Variants in BCL2L11 observed in about 807,000 individuals in gnomAD.
The protein encoded by BCL2L11 is bcl-2-like protein 11.
Under a neutral mutation model 20.6 loss-of-function variants are expected in BCL2L11, and 15 were observed. That is an observed-to-expected ratio of 0.73 (90% CI 0.49 to 1.12). The LOEUF is 1.12. Ranked by LOEUF, BCL2L11 falls within the 50% of genes most tolerant of loss-of-function variation. BCL2L11 has a pLI of 0.00. For missense variants in BCL2L11, 292 were observed against 260.9 expected (o/e 1.12, Z -0.82); for synonymous variants, 108 against 92.8 (o/e 1.16, Z -0.94).
intron 2 of BCL2L11, among the ~76,000 whole-genome samples, chr2:111,134,325 C>T (rs568221520): frequency 2.6e-5 from 4 of 151,934 alleles, no homozygotes; most frequent in African/African-American, 7.2e-5. Context: ...TGCTCTGTAT[C>T]ATTTTCTTAG....
chr2:111,122,086 C>G (rs41309780), intron 1 of BCL2L11, among the ~76,000 whole-genome samples: 5,752 of 152,246 alleles, frequency 0.038, 386 homozygotes, highest in African/African-American at 0.13. Context: ...CGCGGACGTG[C>G]GCGTCCGCGG....
At chr2:111,138,280 A>T (rs919617012) in intron 2 of BCL2L11, among the ~76,000 whole-genome samples, 4 of 152,150 alleles carry the variant, frequency 2.6e-5, no homozygotes, top group Admixed American at 6.5e-5. Context: ...AAGTGCTGAG[A>T]TTACAGGCGT....
intron 2 of BCL2L11, chr2:111,128,789 C>T: frequency 6.5e-7 from 1 of 1,527,048 alleles, no homozygotes; most frequent in Non-Finnish European, 8.8e-7. Context: ...CTCCCTCTTC[C>T]TTGAGCATTT....
intron 2 of BCL2L11, chr2:111,145,830 T>A: frequency 1.4e-5 from 4 of 284,496 alleles, no homozygotes; most frequent in Non-Finnish European, 1.6e-5. Flanking sequence ...AAATGATTTC[T>A]AAGAAGTTTG....
At chr2:111,123,180 G>A in intron 1 of BCL2L11, 3 of 985,464 alleles carry the variant, frequency 3.0e-6, no homozygotes, top group Non-Finnish European at 3.6e-6. Flanking sequence ...GCCAGAGCCG[G>A]GCCGAGCCGC....
At chr2:111,140,853 G>A (rs912972937) in intron 2 of BCL2L11, among the ~76,000 whole-genome samples, 5 of 152,230 alleles carry the variant, frequency 3.3e-5, no homozygotes, top group African/African-American at 4.8e-5. Flanking sequence ...TCTCATTAGC[G>A]TTTAATGCAA....
intron 2 of BCL2L11, among the ~76,000 whole-genome samples, chr2:111,125,997 A>C (rs1488838473): frequency 6.6e-6 from 1 of 152,168 alleles, no homozygotes; most frequent in Non-Finnish European, 1.5e-5. Flanking sequence ...ACACACGTGC[A>C]TTAAAGACCC....
chr2:111,143,354 A>C (rs562229539), intron 2 of BCL2L11, among the ~76,000 whole-genome samples: 1 of 152,260 alleles, frequency 6.6e-6, no homozygotes, highest in South Asian at 2.1e-4. Context: ...AAGGCGGGCC[A>C]GGTGGTCAAG....
At chr2:111,150,283 A>G (rs558648390) in intron 3 of BCL2L11, 136 bp downstream of exon 3, 201 of 1,479,740 alleles carry the variant, frequency 1.4e-4, no homozygotes, top group Admixed American at 4.7e-4. Flanking sequence ...GTGACCTTTC[A>G]TTGTTTCTCC....
At chr2:111,124,390 A>G (rs940857408) in intron 2 of BCL2L11, among the ~76,000 whole-genome samples, 1 of 151,714 alleles carries the variant, frequency 6.6e-6, no homozygotes, top group Non-Finnish European at 1.5e-5. Flanking sequence ...TCCCGGGTTC[A>G]AGCAATTCTC....
chr2:111,126,063 A>G (rs1389385035), intron 2 of BCL2L11, among the ~76,000 whole-genome samples: 1 of 152,170 alleles, frequency 6.6e-6, no homozygotes, highest in Non-Finnish European at 1.5e-5. Context: ...ACTTGTGGTT[A>G]TTAAGCTATT....
intron 2 of BCL2L11, among the ~76,000 whole-genome samples, chr2:111,139,564 A>G (rs2075463370): frequency 6.6e-6 from 1 of 152,174 alleles, no homozygotes; most frequent in South Asian, 2.1e-4. Flanking sequence ...TAGTGAGAAG[A>G]CAATTTAGAC....
rs957991048 is a variant in BCL2L11 at position 111,166,628 on chromosome 2, C to T, written c.*2397C>T. ...TTGGAAACTTACTGCAGGTTTTGTG[C>T]CTTGACAACCTCTCCCTATGTGAGG... On this transcript the variant is annotated 3_prime_UTR_variant, in exon 4 of 4. Transcript: ENST00000393256. 6.6e-6 allele frequency: 1 copy of T among 152,582 alleles called. No individual in the cohort carries two copies. The highest frequency in any genetic ancestry group is 1.5e-5 in the Non-Finnish European group (1 of 68,022). 9.5% of individuals were successfully genotyped at this position (152,582 alleles called of 1,614,324 possible). A position where few individuals can be genotyped will look rare whatever the true frequency, so the allele number is the denominator to read the frequency against.
At chr2:111,160,876 T>A (rs1327698382) in intron 3 of BCL2L11, among the ~76,000 whole-genome samples, 1 of 152,244 alleles carries the variant, frequency 6.6e-6, no homozygotes, top group Non-Finnish European at 1.5e-5. Flanking sequence ...AGTGACAGAC[T>A]GAGAGCATCA....
chr2:111,141,538 G>A (rs1202568797), intron 2 of BCL2L11, among the ~76,000 whole-genome samples: 1 of 138,618 alleles, frequency 7.2e-6, no homozygotes, highest in African/African-American at 2.6e-5. Flanking sequence ...GGGGGAGGGA[G>A]AGCATTGGGA....
At chr2:111,158,164 G>A (rs1461823992) in intron 3 of BCL2L11, among the ~76,000 whole-genome samples, 2 of 152,248 alleles carry the variant, frequency 1.3e-5, no homozygotes, top group Middle Eastern at 3.2e-3. Context: ...TCTTCCTGAA[G>A]AGCTCCACAT....
At chr2:111,156,836 TATC>T (rs1422543609) in intron 3 of BCL2L11, among the ~76,000 whole-genome samples, 1 of 152,194 alleles carries the variant, frequency 6.6e-6, no homozygotes, top group African/African-American at 2.4e-5. Flanking sequence ...AAATTCTTAT[TATC>T]ATCTGTTATC....
chr2:111,124,017 G>C lies in BCL2L11; in HGVS notation c.272G>C (p.Arg91Pro). The C allele has an allele frequency of 1.2e-6, 2 of 1,614,180 alleles. No homozygotes were observed. Among genetic ancestry groups the C allele is most frequent in the Non-Finnish European group, 1.7e-6 (2 of 1,180,032 alleles). ...IFMRRSSLLS[R>P]SSSGYFSFDT... Reference sequence around the variant, plus strand: ...ATGAGAAGATCCTCCCTGCTGTCTCGATCCTCCAGTGGGTATTTCTCTTTT... The same window carrying C: ...ATGAGAAGATCCTCCCTGCTGTCTCCATCCTCCAGTGGGTATTTCTCTTTT... The change falls in exon 2 of 4, where the codon CGA (arginine) becomes CCA (proline). Residue 91 changes from arginine to proline, a missense_variant. Physicochemically the swap from Arg to Pro is moderately radical, Grantham distance 103 (BLOSUM62 -2). Coordinates refer to ENST00000393256, the MANE Select transcript of BCL2L11 (RefSeq NM_138621.5).
intron 2 of BCL2L11, among the ~76,000 whole-genome samples, chr2:111,139,299 G>A (rs927272269): frequency 2.0e-5 from 3 of 152,126 alleles, no homozygotes; most frequent in African/African-American, 7.2e-5. Context: ...CTGAATTGGG[G>A]GTGAGTTGGG....
Sources: allele counts gnomAD v4.1 joint callset (sites outside exome capture counted in the v4.1 genomes callset), GRCh38; gene constraint gnomAD v4.1.1; transcripts MANE v1.5; gene names NCBI Gene and HGNC (gene_info 2026-07-23, HGNC 2026-07-21).